Variants in SEMA3E observed in about 807,000 individuals in gnomAD.
SEMA3E encodes the protein semaphorin 3E.
Under a neutral mutation model 93.6 loss-of-function variants are expected in SEMA3E, and 49 were observed. That is an observed-to-expected ratio of 0.52 (90% CI 0.42 to 0.66). The LOEUF (loss-of-function observed/expected upper bound fraction) is 0.66, where lower values mean the gene tolerates loss of function less well. Among genes scored for constraint, SEMA3E ranks in the 30% least tolerant of loss-of-function variants. SEMA3E has a pLI of 0.00. For missense variants in SEMA3E, 906 were observed against 964.8 expected, an observed-to-expected ratio of 0.94 and a Z score of 0.81; for synonymous variants, 363 against 330.7, an observed-to-expected ratio of 1.10 and a Z score of -1.06.
At chr7:83,485,130 A>G (rs1373948702) in intron 2 of SEMA3E, among the ~76,000 whole-genome samples, 2 of 152,244 alleles carry the variant, frequency 1.3e-5, no homozygotes, top group African/African-American at 4.8e-5. Context: ...GAAGTTTACT[A>G]AAATGATCAT....
chr7:83,367,407 T>G lies in SEMA3E; in HGVS notation c.*179A>C. ...ATTTATTTAAAAAATTAGTTAATTT[T>G]ATGTAAAGTTTATCCAGTCAAATGA... On this transcript the variant is annotated 3_prime_UTR_variant, in exon 17 of 17. Coordinates refer to ENST00000643230, the MANE Select transcript of SEMA3E (RefSeq NM_012431.3). 1 of 642,728 alleles carries G rather than the reference T, an allele frequency of 1.6e-6. No individual in the cohort carries two copies. The highest frequency in any genetic ancestry group is 2.7e-6 in the Non-Finnish European group (1 of 374,526). 39.8% of individuals were successfully genotyped at this position (642,728 alleles called of 1,614,324 possible). A position where few individuals can be genotyped will look rare whatever the true frequency, so the allele number is the denominator to read the frequency against.
intron 1 of SEMA3E, among the ~76,000 whole-genome samples, chr7:83,606,650 A>G (rs1447848832): frequency 1.4e-5 from 2 of 146,968 alleles, no homozygotes; most frequent in African/African-American, 2.5e-5. Context: ...ATTGGGAGAT[A>G]TACCTAATGC....
At chr7:83,383,452 C>G (rs1019148201) in intron 16 of SEMA3E, among the ~76,000 whole-genome samples, 1 of 151,772 alleles carries the variant, frequency 6.6e-6, no homozygotes, top group Admixed American at 6.6e-5. Context: ...GTATATTCAG[C>G]CTTTAATAAA....
intron 4 of SEMA3E, among the ~76,000 whole-genome samples, chr7:83,461,754 C>G (rs967094127): frequency 6.6e-6 from 1 of 152,292 alleles, no homozygotes; most frequent in East Asian, 1.9e-4. Context: ...TTCCGGCCCT[C>G]AAACCCCACA....
intron 1 of SEMA3E, among the ~76,000 whole-genome samples, chr7:83,513,139 G>C (rs1378880997): frequency 6.6e-6 from 1 of 152,118 alleles, no homozygotes; most frequent in South Asian, 2.1e-4. Flanking sequence ...GAGTCATTAA[G>C]AACCATGCTC....
At chr7:83,570,478 A>G (rs2535382) in intron 1 of SEMA3E, among the ~76,000 whole-genome samples, 115,655 of 131,252 alleles carry the variant, frequency 0.88, 51,054 homozygotes, top group East Asian at 1. Flanking sequence ...GCGTGAACCC[A>G]GGAGGCGGAG....
At chr7:83,583,673 C>T (rs1167133732) in intron 1 of SEMA3E, among the ~76,000 whole-genome samples, 3 of 152,118 alleles carry the variant, frequency 2.0e-5, no homozygotes, top group Non-Finnish European at 4.4e-5. Context: ...ACATGTGACA[C>T]AATTCTGAAC....
At chr7:83,456,251 G>C (rs1789475391) in intron 4 of SEMA3E, among the ~76,000 whole-genome samples, 1 of 152,162 alleles carries the variant, frequency 6.6e-6, no homozygotes, top group Non-Finnish European at 1.5e-5. Context: ...CTTATTGTCT[G>C]AGCATCTACA....
intron 1 of SEMA3E, among the ~76,000 whole-genome samples, chr7:83,499,948 C>G (rs1476864979): frequency 1.3e-5 from 2 of 152,176 alleles, no homozygotes; most frequent in African/African-American, 4.8e-5. Flanking sequence ...TCCTATTCAA[C>G]TGGCGAATTA....
intron 1 of SEMA3E, among the ~76,000 whole-genome samples, chr7:83,617,487 A>AAAT: frequency 7.0e-6 from 1 of 141,958 alleles, no homozygotes; most frequent in Non-Finnish European, 1.5e-5. Flanking sequence ...AATTTTATAT[A>AAAT]AATAATATAT....
rs376747449 is a variant in SEMA3E, at chr7:83,388,516, G to A, written c.1668-1466C>T. Among the ~76,000 whole-genome samples, 16 of 151,804 alleles carry A rather than the reference G, an allele frequency of 1.1e-4. No homozygotes were observed. In the East Asian group the frequency reaches 2.7e-3, roughly 26 times the overall value. On this transcript the variant is annotated intron_variant, in intron 14 of 16. Transcript: ENST00000643230. ...ATTAAAATAGAAGTATTACATAAAG[G>A]TAGAAAATACCACTTGCTTCTCTAA...
rs572501116 is a variant in SEMA3E, at chr7:83,557,364, A to G, written c.116-67090T>C. On this transcript the variant is annotated intron_variant, in intron 1 of 16. Transcript: ENST00000643230. The stretch of plus-strand genomic sequence containing the variant: ...ATGCTTATTAAAAATAAGTATCAAC[A>G]TAAATATTGATCAATAATTCAAACT... 4.8e-3 allele frequency among the ~76,000 whole-genome samples: 728 copies of G among 151,720 alleles called. 6 individuals are homozygous for G. The highest frequency in any genetic ancestry group is 0.015 in the African/African-American group (632 of 41,512).
At chr7:83,561,966 T>G (rs1000321169) in intron 1 of SEMA3E, among the ~76,000 whole-genome samples, 3 of 152,080 alleles carry the variant, frequency 2.0e-5, no homozygotes, top group Non-Finnish European at 4.4e-5. Context: ...CCCACTAAAT[T>G]CACTATTGAT....
intron 1 of SEMA3E, among the ~76,000 whole-genome samples, chr7:83,528,290 A>G (rs961375053): frequency 2.6e-5 from 4 of 152,172 alleles, no homozygotes; most frequent in Non-Finnish European, 4.4e-5. Flanking sequence ...AACTTGAAAT[A>G]TCAAAAATCA....
At position 83,643,491 on chromosome 7, in the gene SEMA3E, T is replaced by C. The variant is rs571703968; in HGVS notation, c.115+4937A>G. Among the ~76,000 whole-genome samples, 6 of 152,020 alleles carry C rather than the reference T, an allele frequency of 3.9e-5. No homozygotes were observed. The South Asian group carries it at 1.2e-3, about 32-fold the overall frequency. ...TAACCCTGAGCTTCCCTCACCCTATTACCATACTAAAAGATAACTGTTTTC... is the reference window on the plus strand; with the variant it reads ...TAACCCTGAGCTTCCCTCACCCTATCACCATACTAAAAGATAACTGTTTTC... On this transcript the variant is annotated intron_variant, in intron 1 of 16. Transcript: ENST00000643230.
At chr7:83,608,426 A>G (rs1793172978) in intron 1 of SEMA3E, among the ~76,000 whole-genome samples, 1 of 151,648 alleles carries the variant, frequency 6.6e-6, no homozygotes, top group African/African-American at 2.4e-5. Context: ...TAATCCTACT[A>G]CTCTTTCAGA....
rs116573418 is a variant in SEMA3E, at chr7:83,502,288, G to A, written c.116-12014C>T. On this transcript the variant is annotated intron_variant, in intron 1 of 16. Coordinates refer to ENST00000643230, the MANE Select transcript of SEMA3E (RefSeq NM_012431.3). ...CAGTTCACCTCACAGTAGCCAGAGTGATCATTTCTTTCCTTAAAAATATAA... is the reference window on the plus strand; with the variant it reads ...CAGTTCACCTCACAGTAGCCAGAGTAATCATTTCTTTCCTTAAAAATATAA... Among the ~76,000 whole-genome samples the A allele has an allele frequency of 6.1e-3, 926 of 152,260 alleles. 12 individuals carry two copies. Among genetic ancestry groups the A allele is most frequent in the African/African-American group, 0.021 (886 of 41,544 alleles).
At chr7:83,644,165 A>G (rs78693940) in intron 1 of SEMA3E, among the ~76,000 whole-genome samples, 10,866 of 151,284 alleles carry the variant, frequency 0.072, 1,070 homozygotes, top group African/African-American at 0.22. Flanking sequence ...TAGAGTGAAT[A>G]CATGTAACAA....
chr7:83,373,415 T>C (rs926822420), intron 16 of SEMA3E, among the ~76,000 whole-genome samples: 4 of 152,240 alleles, frequency 2.6e-5, no homozygotes, highest in African/African-American at 4.8e-5. Flanking sequence ...CATATGTATA[T>C]ATATTTATTT....
Sources: allele counts gnomAD v4.1 joint callset (sites outside exome capture counted in the v4.1 genomes callset), GRCh38; gene constraint gnomAD v4.1.1; transcripts MANE v1.5; gene names NCBI Gene and HGNC (gene_info 2026-07-23, HGNC 2026-07-21).